KIF21B: variants seen among roughly 807,000 people sequenced by gnomAD.
KIF21B encodes kinesin family member 21B, also known as kinesin-like protein KIF21B.
In KIF21B, 85 loss-of-function variants were observed where a neutral mutation model predicts 192.9. That is an observed-to-expected ratio of 0.44 (90% CI 0.37 to 0.53). KIF21B has a LOEUF of 0.53. Among genes scored for constraint, KIF21B ranks in the 20% least tolerant of loss-of-function variants. The probability of loss-of-function intolerance (pLI) is 0.00; values close to 1 mark genes in which losing one functional copy is unlikely to be tolerated. For missense variants in KIF21B, 1,716 were observed against 2,194.8 expected, an observed-to-expected ratio of 0.78 and a Z score of 4.36; for synonymous variants, 832 against 884.6, an observed-to-expected ratio of 0.94 and a Z score of 1.05.
intron 21 of KIF21B, among the ~76,000 whole-genome samples, chr1:200,989,296 G>A (rs886237509): frequency 2.6e-5 from 4 of 152,170 alleles, no homozygotes; most frequent in African/African-American, 9.7e-5. Context: ...GGCAGCCCTA[G>A]CAAACTCATA....
At chr1:201,011,704 T>G (rs1658245749) in intron 1 of KIF21B, among the ~76,000 whole-genome samples, 1 of 152,218 alleles carries the variant, frequency 6.6e-6, no homozygotes. Context: ...CAGGTATTCC[T>G]AGGTAAACCA....
rs747765335 is a variant in KIF21B at position 201,005,573 on chromosome 1, G to A, written c.569C>T (p.Thr190Ile). The A allele has an allele frequency of 6.2e-7, 1 of 1,614,034 alleles. No homozygotes were observed. The highest frequency in any genetic ancestry group is 8.5e-7 in the Non-Finnish European group (1 of 1,180,012). ...CTCCTGGGAGTGGATGAGGCGAGAA[G>A]TGACGCCAGTGGTGTAGATGCCACC... The part of the protein sequence containing the change: ...ANGGIYTTGV[T>I]SRLIHSQEEL... The change falls in exon 4 of 35, where the codon ACT becomes ATT. Residue 190 changes from threonine (T) to isoleucine (I), a missense_variant. Thr to Ile is a moderately conservative substitution (Grantham distance 89). Transcript: ENST00000461742.
intron 15 of KIF21B, among the ~76,000 whole-genome samples, chr1:200,993,740 ACT>A (rs1656859523): frequency 6.7e-6 from 1 of 149,508 alleles, no homozygotes; most frequent in African/African-American, 2.5e-5. Context: ...ACAGAGCAAG[ACT>A]CTGCCTTTAA....
Position 200,979,384 on chromosome 1 carries a change from C to T in KIF21B, c.4160+151G>A, listed in dbSNP as rs1655766748. 7.6e-6 allele frequency: 4 copies of T among 523,260 alleles called. No homozygotes were observed. The South Asian group carries it at 1.5e-4, about 19-fold the overall frequency. 32.4% of individuals were successfully genotyped at this position (523,260 alleles called of 1,614,324 possible). On this transcript the variant is annotated intron_variant, in intron 30 of 34. Transcript: ENST00000461742. ...AACCAAGAGATCTCACCTTGTACCCCAGGGTCAAGCCAAGTTCATAGGCTG... is the reference window on the plus strand; with the variant it reads ...AACCAAGAGATCTCACCTTGTACCCTAGGGTCAAGCCAAGTTCATAGGCTG...
Position 200,975,732 on chromosome 1 carries a change from A to T in KIF21B, c.4444-63T>A. 6.7e-7 allele frequency: 1 copy of T among 1,490,414 alleles called. No individual in the cohort carries two copies. 92.3% of individuals were successfully genotyped at this position (1,490,414 alleles called of 1,614,324 possible). On this transcript the variant is annotated intron_variant, in intron 32 of 34. Transcript: ENST00000461742. The surrounding 1 kb of genome is among the most constrained non-coding windows in gnomAD (Gnocchi z 4.3). ...GAGGATGGAAGGCAGGGCCTACAGC[A>T]CTGTGGACCCAGAGGCCTGAAGACC...
chr1:200,976,851 C>A lies in KIF21B; in HGVS notation c.4368G>T (p.Val1456=). Residue 1456 remains valine (V), a synonymous_variant, in exon 32 of 35, where the codon GTG becomes GTT. Transcript: ENST00000461742. ...VGKLTGHIGP[V]MCLTVTQTAS... ...CCGTCTGGGTGACCGTCAGGCACAT[C>A]ACAGGGCCGATGTGGCCAGTCAGCT... The A allele has an allele frequency of 6.2e-7, 1 of 1,613,472 alleles. No homozygotes were observed. Among genetic ancestry groups the A allele is most frequent in the Non-Finnish European group, 8.5e-7 (1 of 1,179,532 alleles).
At chr1:201,013,045 G>A (rs964540313) in intron 1 of KIF21B, among the ~76,000 whole-genome samples, 5 of 152,220 alleles carry the variant, frequency 3.3e-5, no homozygotes, top group Admixed American at 1.3e-4. Context: ...GTTCACATAT[G>A]CTCAGGGCTG....
rs1170423906 is a variant in KIF21B at position 201,000,025 on chromosome 1, C to A, written c.1686-61G>T. ...GCTGCCCCTGCCCTGAGCACATGGG[C>A]AGGACGGCGGCAGCGGCAGAAAAGG... On this transcript the variant is annotated intron_variant, in intron 11 of 34. Transcript: ENST00000461742. The surrounding 1 kb of genome is among the most constrained non-coding windows in gnomAD (Gnocchi z 6.0). 2.0e-6 allele frequency: 3 copies of A among 1,473,972 alleles called. No homozygotes were observed. Among genetic ancestry groups the A allele is most frequent in the Admixed American group, 3.4e-5 (2 of 59,690 alleles). The allele number at this position is 1,473,972 out of a possible 1,614,324, so 91.3% of individuals were successfully genotyped here.
intron 1 of KIF21B, among the ~76,000 whole-genome samples, chr1:201,020,316 C>CAG (rs200353062): frequency 1.3e-5 from 2 of 152,042 alleles, no homozygotes; most frequent in Non-Finnish European, 2.9e-5. Context: ...CTTTCTCGCC[C>CAG]CATTTGTCAG....
intron 1 of KIF21B, among the ~76,000 whole-genome samples, chr1:201,015,259 T>C (rs959435548): frequency 6.6e-6 from 1 of 152,242 alleles, no homozygotes; most frequent in Admixed American, 6.5e-5. Context: ...TGCCCACTTG[T>C]GTGTAATTTG....
intron 15 of KIF21B, among the ~76,000 whole-genome samples, chr1:200,992,986 T>G (rs796077119): frequency 7.2e-5 from 11 of 152,314 alleles, no homozygotes; most frequent in African/African-American, 2.6e-4. Context: ...ATAAAACTAG[T>G]AATGGATGGC....
intron 9 of KIF21B, chr1:201,001,939 C>A: frequency 3.5e-6 from 2 of 578,152 alleles, no homozygotes; most frequent in Non-Finnish European, 6.2e-6. Flanking sequence ...TCTTTCACTT[C>A]ATATAGTGAT....
intron 15 of KIF21B, among the ~76,000 whole-genome samples, chr1:200,993,050 G>C (rs1241897540): frequency 6.6e-6 from 1 of 152,188 alleles, no homozygotes; most frequent in East Asian, 1.9e-4. Context: ...GCAGCCCCAG[G>C]GATGGCTCCG....
Position 200,990,562 on chromosome 1 carries a change from G to T in KIF21B, c.2835+14C>A, listed in dbSNP as rs766814418. On this transcript the variant is annotated intron_variant, in intron 19 of 34. Coordinates refer to ENST00000461742, the MANE Select transcript of KIF21B (RefSeq NM_001252102.2). The surrounding 1 kb of genome is among the most constrained non-coding windows in gnomAD (Gnocchi z 5.4). Reference sequence around the variant, plus strand: ...GAGGGGTGGAATGGAAGAGAAGGGGGAGGCAGGGCTCACCTTGATGAGCCG... The same window carrying T: ...GAGGGGTGGAATGGAAGAGAAGGGGTAGGCAGGGCTCACCTTGATGAGCCG... 1 of 1,612,280 alleles carries T rather than the reference G, an allele frequency of 6.2e-7. No individual in the cohort carries two copies. Among genetic ancestry groups the T allele is most frequent in the African/African-American group, 1.3e-5 (1 of 74,896 alleles).
intron 8 of KIF21B, 90 bp from the exon 9 acceptor site, chr1:201,002,440 C>A (rs1657556602): frequency 3.4e-6 from 4 of 1,180,232 alleles, no homozygotes; most frequent in Non-Finnish European, 4.9e-6. Flanking sequence ...TCTGCCAGCG[C>A]CCTGGCCTTC....
intron 3 of KIF21B, among the ~76,000 whole-genome samples, chr1:201,007,007 GAGACACAC>G (rs1342583593): frequency 1.6e-4 from 17 of 105,660 alleles, no homozygotes; most frequent in Non-Finnish European, 3.3e-4. Flanking sequence ...CACGGACACA[GAGACACAC>G]AGACACACAC....
intron 16 of KIF21B, among the ~76,000 whole-genome samples, chr1:200,991,939 CT>C (rs538615569): frequency 1.5e-4 from 23 of 152,404 alleles, no homozygotes; most frequent in Admixed American, 1.4e-3. Context: ...TCCTTAGCCT[CT>C]TCTTCCCTCC....
rs750591931 is a variant in KIF21B, at chr1:201,009,314, G to C, written c.216C>G (p.Ile72Met). ...CATTATAGCCCTCGAAGCAGCCCTCGATGAGCTTGCTCACACAGGTGGAAT... is the reference window on the plus strand; with the variant it reads ...CATTATAGCCCTCGAAGCAGCCCTCCATGAGCTTGCTCACACAGGTGGAAT... ...QIYSTCVSKLIEGCFEGYNAT... is the reference protein window; with the variant it reads ...QIYSTCVSKLMEGCFEGYNAT... The change falls in exon 2 of 35, where the codon ATC (isoleucine) becomes ATG (methionine). Residue 72 changes from isoleucine to methionine, a missense_variant. Transcript: ENST00000461742. 1 of 1,614,246 alleles carries C rather than the reference G, an allele frequency of 6.2e-7. No individual in the cohort carries two copies. The highest frequency in any genetic ancestry group is 8.5e-7 in the Non-Finnish European group (1 of 1,180,040).
chr1:200,999,267 T>C lies in KIF21B; in HGVS notation c.1885+82A>G. The stretch of plus-strand genomic sequence containing the variant: ...GTGCTGGGGCCTGGACACCATTATC[T>C]TTGAGCAGGGCCCGACCCCACACTT... On this transcript the variant is annotated intron_variant, in intron 13 of 34. Coordinates refer to ENST00000461742, the MANE Select transcript of KIF21B (RefSeq NM_001252102.2). The surrounding 1 kb of genome is among the most constrained non-coding windows in gnomAD (Gnocchi z 4.7). 1 of 1,559,902 alleles carries C rather than the reference T, an allele frequency of 6.4e-7. No individual in the cohort carries two copies. The highest frequency in any genetic ancestry group is 8.8e-7 in the Non-Finnish European group (1 of 1,133,114).
Sources: gnomAD v4.1 joint callset for allele counts (sites outside exome capture counted in the v4.1 genomes callset) on GRCh38, gnomAD v4.1.1 for gene constraint, Gnocchi (gnomAD v3.1) non-coding constraint, MANE v1.5 for transcripts, NCBI Gene and HGNC (gene_info 2026-07-23, HGNC 2026-07-21) for gene names.